Variants in CDH7 observed in about 807,000 individuals in gnomAD.
The protein encoded by CDH7 is cadherin-7.
CDH7 carries 25 observed loss-of-function variants against 71.8 expected under a neutral mutation model. The observed-to-expected ratio is 0.35, with a 90% CI of 0.25 to 0.49. The LOEUF is 0.49. Among genes scored for constraint, CDH7 ranks in the 20% least tolerant of loss-of-function variants. The probability of loss-of-function intolerance (pLI) is 0.99; values close to 1 mark genes in which losing one functional copy is unlikely to be tolerated. For synonymous variants in CDH7, 381 were observed against 363.8 expected (o/e 1.05, Z -0.54); for missense variants, 862 against 974.6 (o/e 0.88, Z 1.54).
intron 2 of CDH7, among the ~76,000 whole-genome samples, chr18:65,804,202 G>A (rs936180950): frequency 7.2e-5 from 11 of 152,050 alleles, no homozygotes; most frequent in African/African-American, 2.7e-4. Context: ...ACATCAAAAA[G>A]TGCAACTCTA....
chr18:65,838,740 A>T (rs1482086872), intron 6 of CDH7, among the ~76,000 whole-genome samples: 4 of 152,352 alleles, frequency 2.6e-5, no homozygotes, highest in Non-Finnish European at 4.4e-5. Flanking sequence ...TTCAGTAATT[A>T]ACTTGTTTTA....
At chr18:65,757,788 TATA>T (rs1568169255) in intron 1 of CDH7, among the ~76,000 whole-genome samples, 6 of 140,274 alleles carry the variant, frequency 4.3e-5, no homozygotes, top group African/African-American at 1.8e-4. Flanking sequence ...CATATATATA[TATA>T]TTTTTTTTTT....
intron 1 of CDH7, among the ~76,000 whole-genome samples, chr18:65,753,978 C>A (rs1367976577): frequency 6.6e-6 from 1 of 152,126 alleles, no homozygotes; most frequent in African/African-American, 2.4e-5. Context: ...ATAAATCACA[C>A]GTGGCCCAAG....
chr18:65,766,273 C>G (rs1916363999), intron 2 of CDH7, among the ~76,000 whole-genome samples: 1 of 152,056 alleles, frequency 6.6e-6, no homozygotes, highest in Non-Finnish European at 1.5e-5. Flanking sequence ...ATGTTAATGG[C>G]AGGTGACCAG....
chr18:65,863,041 G>A, intron 11 of CDH7, 124 bp downstream of exon 11: 1 of 1,157,622 alleles, frequency 8.6e-7, no homozygotes, highest in Admixed American at 2.3e-5. Flanking sequence ...TGTTTGTTTT[G>A]TTTTGTTTTT....
chr18:65,870,555 T>C (rs1318047572), intron 11 of CDH7, among the ~76,000 whole-genome samples: 2 of 152,122 alleles, frequency 1.3e-5, no homozygotes, highest in African/African-American at 4.8e-5. Flanking sequence ...GGCCACCTGC[T>C]TACCTCTCTA....
intron 6 of CDH7, among the ~76,000 whole-genome samples, chr18:65,839,335 G>A (rs557403951): frequency 1.3e-5 from 2 of 152,266 alleles, no homozygotes; most frequent in East Asian, 3.9e-4. Context: ...CCCTCTTTCT[G>A]GTTCATACAC....
chr18:65,809,213 G>C (rs1173950228), intron 2 of CDH7, among the ~76,000 whole-genome samples: 5 of 152,302 alleles, frequency 3.3e-5, no homozygotes, highest in African/African-American at 1.2e-4. Context: ...CACAGAGTGT[G>C]AGTGGGGACA....
Position 65,869,377 on chromosome 18 carries a change from T to G in CDH7, c.1864+6460T>G, listed in dbSNP as rs545392530. On this transcript the variant is annotated intron_variant, in intron 11 of 11. Transcript: ENST00000397968. ...TCATGAAATCCCATTGTCTACAGAC[T>G]AAAATCACAGACTCTCCAGTACCAG... 9.9e-4 allele frequency among the ~76,000 whole-genome samples: 150 copies of G among 152,138 alleles called. 1 individual carries two copies. The South Asian group carries it at 0.029, about 30-fold the overall frequency.
intron 3 of CDH7, among the ~76,000 whole-genome samples, chr18:65,814,033 T>A (rs572834804): frequency 2.0e-5 from 3 of 152,314 alleles, no homozygotes; most frequent in Admixed American, 6.5e-5. Flanking sequence ...TTGATTTCTA[T>A]CTGGATCTTC....
intron 11 of CDH7, among the ~76,000 whole-genome samples, chr18:65,871,677 G>A (rs1017018231): frequency 3.3e-5 from 5 of 152,180 alleles, no homozygotes; most frequent in South Asian, 2.1e-4. Context: ...TCAGAGGAAC[G>A]TTAATGAGAT....
At chr18:65,864,697 G>T (rs1225352663) in intron 11 of CDH7, among the ~76,000 whole-genome samples, 1 of 151,316 alleles carries the variant, frequency 6.6e-6, no homozygotes, top group Non-Finnish European at 1.5e-5. Context: ...GACCATCCTG[G>T]CTAACACGGT....
chr18:65,826,542 C>A (rs760585512), intron 6 of CDH7, among the ~76,000 whole-genome samples: 5 of 82,064 alleles, frequency 6.1e-5, no homozygotes, highest in Non-Finnish European at 1.4e-4. Context: ...AAGGCAGTAT[C>A]CAAACTTTTA....
chr18:65,788,762 T>C (rs1275920240), intron 2 of CDH7, among the ~76,000 whole-genome samples: 2 of 152,212 alleles, frequency 1.3e-5, no homozygotes, highest in Non-Finnish European at 2.9e-5. Context: ...GAAAGAGTTA[T>C]ACCTGCTTTC....
chr18:65,845,434 C>T (rs1055373733), intron 7 of CDH7, among the ~76,000 whole-genome samples: 1 of 151,940 alleles, frequency 6.6e-6, no homozygotes, highest in Non-Finnish European at 1.5e-5. Context: ...ATAGAATAAG[C>T]CTTCCCCTCT....
At chr18:65,872,211 TA>T (rs1311062871) in intron 11 of CDH7, among the ~76,000 whole-genome samples, 2 of 151,632 alleles carry the variant, frequency 1.3e-5, no homozygotes, top group Non-Finnish European at 2.9e-5. Flanking sequence ...ACATGCCATG[TA>T]AAAAAAAGGG....
Position 65,880,913 on chromosome 18 carries a change from A to G in CDH7, c.*19A>G. On this transcript the variant is annotated 3_prime_UTR_variant, in exon 12 of 12. Coordinates refer to ENST00000397968, the MANE Select transcript of CDH7 (RefSeq NM_004361.5). ...CTCATAGCCTTGGAACCTTAATTCG[A>G]AATGTACTGAAGAAAAAGTAACAGC... is the stretch of plus-strand genomic sequence containing the variant. The G allele has an allele frequency of 6.4e-7, 1 of 1,559,736 alleles. No individual in the cohort carries two copies. The highest frequency in any genetic ancestry group is 8.6e-7 in the Non-Finnish European group (1 of 1,156,112).
intron 11 of CDH7, among the ~76,000 whole-genome samples, chr18:65,867,768 T>C (rs1913809052): frequency 6.6e-6 from 1 of 152,202 alleles, no homozygotes; most frequent in African/African-American, 2.4e-5. Context: ...CTTCCAGCTC[T>C]TTGCTCTTCT....
intron 2 of CDH7, among the ~76,000 whole-genome samples, chr18:65,781,188 C>A (rs901483401): frequency 1.3e-5 from 2 of 152,090 alleles, no homozygotes; most frequent in East Asian, 1.9e-4. Flanking sequence ...TACATCATTG[C>A]CAGTTTATCA....
Sources: allele counts gnomAD v4.1 joint callset (sites outside exome capture counted in the v4.1 genomes callset), GRCh38; gene constraint gnomAD v4.1.1; transcripts MANE v1.5; gene names NCBI Gene and HGNC (gene_info 2026-07-23, HGNC 2026-07-21).